Variants in DBF4B observed in about 807,000 individuals in gnomAD.
DBF4B encodes the protein protein DBF4 homolog B.
A neutral mutation model predicts 53.4 loss-of-function variants in DBF4B; 49 were observed. The ratio of observed to expected loss-of-function variants is 0.92; its 90% confidence interval spans 0.73 to 1.16. DBF4B has a LOEUF of 1.16. DBF4B is among the 50% of genes most tolerant of loss of function. The pLI is 0.00. For missense variants in DBF4B, 692 were observed against 775.0 expected, an observed-to-expected ratio of 0.89 and a Z score of 1.27; for synonymous variants, 257 against 288.7, an observed-to-expected ratio of 0.89 and a Z score of 1.11.
chr17:44,726,944 C>T (rs1255087992), intron 3 of DBF4B, among the ~76,000 whole-genome samples: 5 of 151,292 alleles, frequency 3.3e-5, no homozygotes, highest in African/African-American at 1.2e-4. Context: ...ACTGAAAATA[C>T]AACAATTAGC....
chr17:44,714,262 A>C (rs1973144066), intron 2 of DBF4B, among the ~76,000 whole-genome samples: 1 of 152,084 alleles, frequency 6.6e-6, no homozygotes, highest in Non-Finnish European at 1.5e-5. Flanking sequence ...CTAAAATCTC[A>C]TAATTCACTG....
chr17:44,735,601 C>CAG (rs536759298), intron 7 of DBF4B, among the ~76,000 whole-genome samples: 219 of 152,134 alleles, frequency 1.4e-3, no homozygotes, highest in African/African-American at 4.9e-3. Flanking sequence ...ACCCTGGAGA[C>CAG]AAGTTGCAGT....
intron 3 of DBF4B, among the ~76,000 whole-genome samples, chr17:44,728,012 C>A (rs1974516312): frequency 6.6e-6 from 1 of 151,966 alleles, no homozygotes; most frequent in African/African-American, 2.4e-5. Flanking sequence ...GCCACCACAC[C>A]TGGCCAAAAC....
At chr17:44,750,101 C>T (rs2049241417) in intron 13 of DBF4B, 1 of 995,266 alleles carries the variant, frequency 1.0e-6, no homozygotes, top group Admixed American at 5.7e-5. Flanking sequence ...CGAAGTTCGG[C>T]TGTTCCGGGG....
intron 2 of DBF4B, among the ~76,000 whole-genome samples, chr17:44,717,751 A>T (rs1026786885): frequency 3.3e-5 from 5 of 151,130 alleles, no homozygotes; most frequent in Admixed American, 1.3e-4. Flanking sequence ...GTGTTGGCTC[A>T]TGCTTGTAAT....
chr17:44,751,308 G>T lies in DBF4B; in HGVS notation c.*55G>T. 1 of 1,561,358 alleles carries T rather than the reference G, an allele frequency of 6.4e-7. No homozygotes were observed. On this transcript the variant is annotated 3_prime_UTR_variant, in exon 14 of 14. Coordinates refer to ENST00000315005, the MANE Select transcript of DBF4B (RefSeq NM_145663.3). ...CCAGGATGGATGGGTGCTGCTTGATGTGAATGAGGTCCCGCAGTGGCTCCT... is the reference window on the plus strand; with the variant it reads ...CCAGGATGGATGGGTGCTGCTTGATTTGAATGAGGTCCCGCAGTGGCTCCT...
chr17:44,710,759 G>C (rs1434964527), intron 2 of DBF4B, among the ~76,000 whole-genome samples: 1 of 151,866 alleles, frequency 6.6e-6, no homozygotes, highest in Admixed American at 6.6e-5. Flanking sequence ...GTTTTGTAGA[G>C]ACGAGGTTTT....
In DBF4B at chr17:44,734,177, C is replaced by T. The variant is rs1975124972; in HGVS notation, c.630+14C>T. On this transcript the variant is annotated intron_variant, in intron 7 of 13. Transcript: ENST00000315005. Reference sequence around the variant, plus strand: ...AAGAAGCCAGAGGTAGGTCATCCTGCTGAACTGAAGGACAAATGGATGGTT... The same window carrying T: ...AAGAAGCCAGAGGTAGGTCATCCTGTTGAACTGAAGGACAAATGGATGGTT... 6.2e-7 allele frequency: 1 copy of T among 1,614,060 alleles called. No individual in the cohort carries two copies. The highest frequency in any genetic ancestry group is 1.3e-5 in the African/African-American group (1 of 74,936).
At position 44,749,208 on chromosome 17, in the gene DBF4B, C is replaced by T; in HGVS notation, c.1189+743C>T. 1 of 1,290,208 alleles carries T rather than the reference C, an allele frequency of 7.8e-7. No individual in the cohort carries two copies. Among genetic ancestry groups the T allele is most frequent in the Non-Finnish European group, 1.0e-6 (1 of 988,872 alleles). The allele number at this position is 1,290,208 out of a possible 1,614,324, so 79.9% of individuals were successfully genotyped here. A position where few individuals can be genotyped will look rare whatever the true frequency, so the allele number is the denominator to read the frequency against. ...CGGGAGCCAGCTGTTCCCGATGCCT[C>T]TGGGCCCCCCAGCCTCTCCAGGTGC... On this transcript the variant is annotated intron_variant, in intron 13 of 13. Transcript: ENST00000315005. This position sits in a 1 kb window ranked among gnomAD's most constrained non-coding sequence, Gnocchi z 4.4.
chr17:44,721,718 A>C (rs554765852), intron 2 of DBF4B, among the ~76,000 whole-genome samples: 1 of 151,564 alleles, frequency 6.6e-6, no homozygotes, highest in Non-Finnish European at 1.5e-5. Flanking sequence ...CTTATACACA[A>C]ATATCCCTTT....
chr17:44,716,290 T>G (rs1973332052), intron 2 of DBF4B, among the ~76,000 whole-genome samples: 1 of 152,080 alleles, frequency 6.6e-6, no homozygotes, highest in South Asian at 2.1e-4. Context: ...AGTTTGTATG[T>G]TTTTGTCTTG....
intron 10 of DBF4B, among the ~76,000 whole-genome samples, chr17:44,745,098 A>G (rs189238769): frequency 2.0e-5 from 3 of 152,112 alleles, no homozygotes; most frequent in East Asian, 3.9e-4. Flanking sequence ...CACCTGGCTA[A>G]TTTTTATATT....
chr17:44,749,975 C>T lies in DBF4B; in HGVS notation c.1190-620C>T, dbSNP rs1242048310. ...TGCACCACTCACAGAGCTCCCTCCCCCAGGCACTTAGTTGGGGCCCAGCAC... is the reference window on the plus strand; with the variant it reads ...TGCACCACTCACAGAGCTCCCTCCCTCAGGCACTTAGTTGGGGCCCAGCAC... On this transcript the variant is annotated intron_variant, in intron 13 of 13. Transcript: ENST00000315005. This position sits in a 1 kb window ranked among gnomAD's most constrained non-coding sequence, Gnocchi z 4.4. 6 of 1,006,240 alleles carry T rather than the reference C, an allele frequency of 6.0e-6. No individual in the cohort carries two copies. In the Admixed American group the frequency reaches 2.6e-4, roughly 43 times the overall value. The allele number at this position is 1,006,240 out of a possible 1,614,324, so 62.3% of individuals were successfully genotyped here. A position where few individuals can be genotyped will look rare whatever the true frequency, so the allele number is the denominator to read the frequency against.
At chr17:44,748,964 C>G (rs1223382190) in intron 13 of DBF4B, 5 of 1,289,820 alleles carry the variant, frequency 3.9e-6, no homozygotes, top group African/African-American at 1.5e-5. Flanking sequence ...TTCTGGGCCA[C>G]ACAGCCCTCC....
rs1222331381 is a variant in DBF4B, at chr17:44,736,839, C to G, written c.640C>G (p.Pro214Ala). The G allele has an allele frequency of 6.2e-7, 1 of 1,614,070 alleles. No individual in the cohort carries two copies. The highest frequency in any genetic ancestry group is 2.2e-5 in the East Asian group (1 of 44,880). ...QQPKKPEGTC[P>A]AAESRTRKVA... ...TTTCCTTTCCATTTAGGGAACATGT[C>G]CAGCAGCAGAGTCAAGAACACGGAA... is the stretch of plus-strand genomic sequence containing the variant. The change falls in exon 8 of 14, where the codon CCA becomes GCA. Residue 214 changes from proline (P) to alanine (A), a missense_variant. Pro to Ala is a conservative substitution (Grantham distance 27). Around this residue, in one of 3 missense-constraint regions of DBF4B, gnomAD observed 597 missense variants for 665.8 expected, o/e 0.90. Coordinates refer to ENST00000315005, the MANE Select transcript of DBF4B (RefSeq NM_145663.3).
chr17:44,723,691 G>A (rs1341593428), intron 3 of DBF4B, among the ~76,000 whole-genome samples: 3 of 151,852 alleles, frequency 2.0e-5, no homozygotes, highest in Admixed American at 2.0e-4. Context: ...CCTGGGAGGC[G>A]GAGTTTGCAG....
At position 44,741,329 on chromosome 17, in the gene DBF4B, G is replaced by C; in HGVS notation, c.714-7G>C. 1.2e-6 allele frequency: 2 copies of C among 1,601,172 alleles called. No homozygotes were observed. The highest frequency in any genetic ancestry group is 8.6e-7 in the Non-Finnish European group (1 of 1,168,448). On this transcript the variant is annotated splice_polypyrimidine_tract_variant and splice_region_variant and intron_variant, in intron 9 of 13. Transcript: ENST00000315005. ...TGTAGTCAAAGTGGAAGTTTTCTCT[G>C]TTGCAGGAAGTTTCGTCCTTTCCAT...
chr17:44,732,496 C>T (rs758503530), intron 6 of DBF4B: 29 of 509,756 alleles, frequency 5.7e-5, no homozygotes, highest in Admixed American at 1.4e-4. Flanking sequence ...TAGAACATGC[C>T]GTTTCATGTC....
chr17:44,726,634 C>T (rs1310313006), intron 3 of DBF4B, among the ~76,000 whole-genome samples: 1 of 151,836 alleles, frequency 6.6e-6, no homozygotes, highest in Non-Finnish European at 1.5e-5. Context: ...ACCATTATTG[C>T]CCTTCATATG....
Sources: gnomAD v4.1 joint callset for allele counts (sites outside exome capture counted in the v4.1 genomes callset) on GRCh38, gnomAD v4.1.1 for gene constraint, gnomAD v4.1.1 regional missense constraint, Gnocchi (gnomAD v3.1) non-coding constraint, MANE v1.5 for transcripts, NCBI Gene and HGNC (gene_info 2026-07-23, HGNC 2026-07-21) for gene names.